Variants in MRPL11 observed in about 807,000 individuals in gnomAD.
The protein encoded by MRPL11 is mitochondrial ribosomal protein L11, also known as large ribosomal subunit protein uL11m.
MRPL11 carries 21 observed loss-of-function variants against 19.1 expected under a neutral mutation model. The ratio of observed to expected loss-of-function variants is 1.10; its 90% CI spans 0.78 to 1.58. The LOEUF is 1.58. Among genes scored for constraint, MRPL11 ranks in the 40% most tolerant of loss-of-function variants. The probability of loss-of-function intolerance (pLI) is 0.00; values close to 1 mark genes in which losing one functional copy is unlikely to be tolerated. For missense variants in MRPL11, 242 were observed against 243.9 expected, an observed-to-expected ratio of 0.99 and a Z score of 0.05; for synonymous variants, 108 against 99.7, an observed-to-expected ratio of 1.08 and a Z score of -0.49.
At chr11:66,436,962 T>TCCCAC in intron 4 of MRPL11, 142 bp downstream of exon 4, 1 of 1,550,972 alleles carries the variant, frequency 6.4e-7, no homozygotes, top group African/African-American at 1.4e-5. Flanking sequence ...GAATGTGGCC[T>TCCCAC]CCCACCCCCA....
intron 4 of MRPL11, 136 bp from the exon 5 acceptor site, chr11:66,436,248 C>G: frequency 3.1e-6 from 2 of 648,086 alleles, no homozygotes; most frequent in East Asian, 5.5e-5. Context: ...GCCTCCCTGA[C>G]TTCCCAGCCT....
Position 66,437,460 on chromosome 11 carries a change from A to C in MRPL11, c.220-17T>G. On this transcript the variant is annotated splice_polypyrimidine_tract_variant and intron_variant, in intron 2 of 4. Coordinates refer to ENST00000310999, the MANE Select transcript of MRPL11 (RefSeq NM_016050.5). The stretch of plus-strand genomic sequence containing the variant: ...CCTGTCAGGCTTAACAGAAAAAAGA[A>C]ATATGAGATTCTCTCTTCCTACTGC... The C allele has an allele frequency of 6.2e-7, 1 of 1,611,698 alleles. No homozygotes were observed. Among genetic ancestry groups the C allele is most frequent in the Non-Finnish European group, 8.5e-7 (1 of 1,177,962 alleles).
rs751569201 is a variant in MRPL11, at chr11:66,438,261, T to A, written c.124-2A>T. The A allele has an allele frequency of 6.2e-7, 1 of 1,611,246 alleles. No homozygotes were observed. The highest frequency in any genetic ancestry group is 1.7e-5 in the Admixed American group (1 of 60,016). On this transcript the variant is annotated splice_acceptor_variant, in intron 1 of 4. Coordinates refer to ENST00000310999, the MANE Select transcript of MRPL11 (RefSeq NM_016050.5). LOFTEE classifies it high-confidence loss of function. ...AAACTGGTTGATGGAAACGCCTCTC[T>A]GTGAGGGAAGCAGAGGGGGTTAGTG...
In MRPL11 at chr11:66,438,798, G is replaced by A. The variant is rs1857046471; in HGVS notation, c.-44C>T. On this transcript the variant is annotated 5_prime_UTR_variant, in exon 1 of 5. Transcript: ENST00000310999. ...TCAGTTCACCTCAGGGGAGCAGCAA[G>A]AGCGAAGCTCTGGGCGCCACCATCT... 6.9e-7 allele frequency: 1 copy of A among 1,446,404 alleles called. No individual in the cohort carries two copies. Among genetic ancestry groups the A allele is most frequent in the East Asian group, 2.7e-5 (1 of 37,698 alleles). 89.6% of individuals were successfully genotyped at this position (1,446,404 alleles called of 1,614,324 possible). A position where few individuals can be genotyped will look rare whatever the true frequency, so the allele number is the denominator to read the frequency against.
In MRPL11 at chr11:66,438,353, C is replaced by A. The variant is rs1857031082; in HGVS notation, c.124-94G>T. 2.8e-6 allele frequency: 3 copies of A among 1,090,538 alleles called. No homozygotes were observed. In the African/African-American group the frequency reaches 4.6e-5, roughly 17 times the overall value. 67.6% of individuals were successfully genotyped at this position (1,090,538 alleles called of 1,614,324 possible). A position where few individuals can be genotyped will look rare whatever the true frequency, so the allele number is the denominator to read the frequency against. On this transcript the variant is annotated intron_variant, in intron 1 of 4. Transcript: ENST00000310999. ...TCCGTTCCCTCCTTCGTCTTCACTT[C>A]TCTGGGTTCCCATCTGTACCCAGAT...
intron 2 of MRPL11, 74 bp downstream of exon 2, chr11:66,438,090 C>A: frequency 1.9e-6 from 2 of 1,074,452 alleles, no homozygotes; most frequent in Admixed American, 1.7e-5. Context: ...AGAGAAACAA[C>A]CCCAGATGAC....
At chr11:66,437,852 C>T (rs1030789767) in intron 2 of MRPL11, among the ~76,000 whole-genome samples, 2 of 151,978 alleles carry the variant, frequency 1.3e-5, no homozygotes, top group East Asian at 1.9e-4. Context: ...CCAGCCTGGG[C>T]GACAAGAACA....
chr11:66,437,065 T>C, intron 4 of MRPL11, 39 bp downstream of exon 4: 3 of 1,606,106 alleles, frequency 1.9e-6, no homozygotes, highest in Non-Finnish European at 2.6e-6. Context: ...CAGAGCTTTC[T>C]GGGCCCTCTC....
At position 66,438,759 on chromosome 11, in the gene MRPL11, C is replaced by T. The variant is rs760532293; in HGVS notation, c.-5G>A. The T allele has an allele frequency of 1.9e-6, 3 of 1,548,202 alleles. No homozygotes were observed. Among genetic ancestry groups the T allele is most frequent in the South Asian group, 1.2e-5 (1 of 84,370 alleles). On this transcript the variant is annotated 5_prime_UTR_variant, in exon 1 of 5. Coordinates refer to ENST00000310999, the MANE Select transcript of MRPL11 (RefSeq NM_016050.5). Reference sequence around the variant, plus strand: ...GGCCCGGCCGAGCTTTGACATGATGCGGGGCTGCTGGCTTCAGTTCACCTC... The same window carrying T: ...GGCCCGGCCGAGCTTTGACATGATGTGGGGCTGCTGGCTTCAGTTCACCTC...
Position 66,437,193 on chromosome 11 carries a change from C to T in MRPL11, c.384G>A (p.Glu128=), listed in dbSNP as rs570917610. 5.0e-6 allele frequency: 8 copies of T among 1,614,232 alleles called. No individual in the cohort carries two copies. The East Asian group carries it at 1.1e-4, about 22-fold the overall frequency. ...GGGGTACATCCTGCAGGGCAAATGCCTCATCCTGAGCTTTGATGCGGGCAA... is the reference window on the plus strand; with the variant it reads ...GGGGTACATCCTGCAGGGCAAATGCTTCATCCTGAGCTTTGATGCGGGCAA... ...YEIARIKAQD[E]AFALQDVPLS... is the part of the protein sequence containing the mutation. The change falls in exon 4 of 5, where the codon GAG becomes GAA. Residue 128 remains glutamate, a synonymous_variant. Coordinates refer to ENST00000310999, the MANE Select transcript of MRPL11 (RefSeq NM_016050.5).
chr11:66,438,355 CTG>C, intron 1 of MRPL11, 96 bp from the exon 2 acceptor site: 1 of 1,092,950 alleles, frequency 9.1e-7, no homozygotes, highest in Non-Finnish European at 1.4e-6. Context: ...CTTCACTTCT[CTG>C]GGTTCCCATC....
chr11:66,437,973 C>A (rs1857020609), intron 2 of MRPL11, among the ~76,000 whole-genome samples, 191 bp downstream of exon 2: 2 of 152,098 alleles, frequency 1.3e-5, no homozygotes, highest in South Asian at 2.1e-4. Flanking sequence ...GATGGAGGGG[C>A]AAAGGGAGGA....
intron 4 of MRPL11, 92 bp from the exon 5 acceptor site, chr11:66,436,204 CCT>C (rs1856965702): frequency 9.4e-7 from 1 of 1,062,588 alleles, no homozygotes; most frequent in Admixed American, 2.0e-5. Context: ...TGAAGGGGCC[CCT>C]GTCTCCAAGC....
At position 66,436,096 on chromosome 11, in the gene MRPL11, G is replaced by A. The variant is rs146862300; in HGVS notation, c.490C>T (p.Leu164Phe). The change falls in exon 5 of 5, where the codon CTT becomes TTT. Residue 164 changes from leucine to phenylalanine, a missense_variant. By Grantham distance (22) the Leu-to-Phe change is conservative (BLOSUM62 0). Coordinates refer to ENST00000310999, the MANE Select transcript of MRPL11 (RefSeq NM_016050.5). ...GCTCGTTCCTTCTGGAAAGCTGCAA[G>A]CTCTTCTGAACTGAGGCTGCAAGTG... ...RVVKDLSSEE[L>F]AAFQKERAIF... 6 of 1,613,682 alleles carry A rather than the reference G, an allele frequency of 3.7e-6. No individual in the cohort carries two copies. The highest frequency in any genetic ancestry group is 1.3e-5 in the African/African-American group (1 of 74,910).
Position 66,435,648 on chromosome 11 carries a change from G to A in MRPL11, c.*359C>T, listed in dbSNP as rs934697066. The A allele has an allele frequency of 6.6e-5, 12 of 181,332 alleles. No individual in the cohort carries two copies. Among genetic ancestry groups the A allele is most frequent in the Non-Finnish European group, 1.2e-4 (10 of 85,094 alleles). The allele number at this position is 181,332 out of a possible 1,614,324, so 11.2% of individuals were successfully genotyped here. ...ACCTCTGGCACCAATTCAGAACCTG[G>A]GCAATAAAACAAAATTATAACTTAA... On this transcript the variant is annotated 3_prime_UTR_variant, in exon 5 of 5. Coordinates refer to ENST00000310999, the MANE Select transcript of MRPL11 (RefSeq NM_016050.5).
At chr11:66,436,982 C>G in intron 4 of MRPL11, 122 bp downstream of exon 4, 1 of 1,518,342 alleles carries the variant, frequency 6.6e-7, no homozygotes, top group South Asian at 1.1e-5. Flanking sequence ...ACCCCATCCT[C>G]TAGAATCTAG....
chr11:66,437,130 A>T lies in MRPL11; in HGVS notation c.447T>A (p.Arg149=). Residue 149 remains arginine, a synonymous_variant, in exon 4 of 5, where the codon CGT becomes CGA. Transcript: ENST00000310999. ...CCTTCACCACGCGAATGCCCAGAGA[A>T]CGGGCAGACCCGATGATGGAGCGGA... The part of the protein sequence containing the change: ...SVVRSIIGSA[R]SLGIRVVKDL... The T allele has an allele frequency of 6.2e-7, 1 of 1,614,202 alleles. No homozygotes were observed. The highest frequency in any genetic ancestry group is 8.5e-7 in the Non-Finnish European group (1 of 1,180,044).
rs375251911 is a variant in MRPL11 at position 66,436,106 on chromosome 11, A to C, written c.480T>G (p.Ser160Arg). Reference protein sequence around the residue: ...SLGIRVVKDLSSEELAAFQKE... With the variant: ...SLGIRVVKDLRSEELAAFQKE... ...TCTGGAAAGCTGCAAGCTCTTCTGA[A>C]CTGAGGCTGCAAGTGAAAAAAGACA... The change falls in exon 5 of 5, where the codon AGT becomes AGG. Residue 160 changes from serine to arginine, a missense_variant. Coordinates refer to ENST00000310999, the MANE Select transcript of MRPL11 (RefSeq NM_016050.5). 2 of 1,613,348 alleles carry C rather than the reference A, an allele frequency of 1.2e-6. No individual in the cohort carries two copies. Among genetic ancestry groups the C allele is most frequent in the Non-Finnish European group, 1.7e-6 (2 of 1,179,640 alleles).
At position 66,438,694 on chromosome 11, in the gene MRPL11, G is replaced by T. The variant is rs753584725; in HGVS notation, c.61C>A (p.Arg21=). The change falls in exon 1 of 5, where the codon CGG becomes AGG. Residue 21 remains arginine (R), a synonymous_variant. Coordinates refer to ENST00000310999, the MANE Select transcript of MRPL11 (RefSeq NM_016050.5). ...GCCAGGCCTGCCCGCACGATCGCCC[G>T]GATCACACCGCCGACCTCGGGCTTC... The part of the protein sequence containing the change: ...LRKPEVGGVI[R]AIVRAGLAMP... 1.9e-6 allele frequency: 3 copies of T among 1,585,488 alleles called. No individual in the cohort carries two copies. Among genetic ancestry groups the T allele is most frequent in the Non-Finnish European group, 2.6e-6 (3 of 1,164,552 alleles).
Sources: gnomAD v4.1 joint callset for allele counts (sites outside exome capture counted in the v4.1 genomes callset) on GRCh38, gnomAD v4.1.1 for gene constraint, MANE v1.5 for transcripts, NCBI Gene and HGNC (gene_info 2026-07-23, HGNC 2026-07-21) for gene names.